TAFA2: variants seen among roughly 807,000 people sequenced by gnomAD.
TAFA2 encodes the protein chemokine-like protein TAFA-2.
Under a neutral mutation model 18.8 loss-of-function variants are expected in TAFA2, and 7 were observed. The ratio of observed to expected loss-of-function variants is 0.37; its 90% CI spans 0.21 to 0.70. TAFA2 has a LOEUF of 0.70. TAFA2 is among the 30% of genes least tolerant of loss of function. The probability of loss-of-function intolerance (pLI) is 0.53; values close to 1 mark genes in which losing one functional copy is unlikely to be tolerated. For missense variants in TAFA2, 122 were observed against 158.1 expected (o/e 0.77, Z 1.23); for synonymous variants, 60 against 54.2 (o/e 1.11, Z -0.47).
intron 1 of TAFA2, among the ~76,000 whole-genome samples, chr12:62,084,880 C>G (rs1555188874): frequency 6.6e-6 from 1 of 152,154 alleles, no homozygotes; most frequent in Non-Finnish European, 1.5e-5. Flanking sequence ...TGAATAGCAT[C>G]AACAAGCTGC....
At chr12:62,204,220 G>A (rs926882864) in intron 1 of TAFA2, among the ~76,000 whole-genome samples, 1 of 152,108 alleles carries the variant, frequency 6.6e-6, no homozygotes, top group South Asian at 2.1e-4. Context: ...TGAGTCTGAC[G>A]AACTTGCCTT....
rs1872335846 is a variant in TAFA2 at position 61,821,848 on chromosome 12, C to G, written c.106+45472G>C. Among the ~76,000 whole-genome samples, 4 of 152,144 alleles carry G rather than the reference C, an allele frequency of 2.6e-5. No individual in the cohort carries two copies. In the South Asian group the frequency reaches 8.3e-4, roughly 32 times the overall value. ...TGCCAAATTTTAAATGCATTTTATT[C>G]CTGTAGAGTTTTTAGTTTATAAGTC... On this transcript the variant is annotated intron_variant, in intron 2 of 4. Coordinates refer to ENST00000416284, the MANE Select transcript of TAFA2 (RefSeq NM_178539.5).
At chr12:62,164,572 C>A (rs1271826954) in intron 1 of TAFA2, among the ~76,000 whole-genome samples, 1 of 152,054 alleles carries the variant, frequency 6.6e-6, no homozygotes, top group Admixed American at 6.6e-5. Context: ...ATAATCTGTA[C>A]AACAAACCCT....
chr12:62,053,905 A>G (rs143157659), intron 1 of TAFA2, among the ~76,000 whole-genome samples: 1 of 152,352 alleles, frequency 6.6e-6, no homozygotes, highest in East Asian at 1.9e-4. Flanking sequence ...TACATAGAAA[A>G]TGTTGAATAA....
intron 1 of TAFA2, among the ~76,000 whole-genome samples, chr12:62,052,880 T>A (rs1373142242): frequency 6.6e-6 from 1 of 152,242 alleles, no homozygotes; most frequent in Non-Finnish European, 1.5e-5. Context: ...CTTTAAAAGT[T>A]ATTTAGTTAT....
rs200239920 is a variant in TAFA2 at position 61,820,766 on chromosome 12, C to G, written c.106+46554G>C. Among the ~76,000 whole-genome samples the G allele has an allele frequency of 3.3e-5, 5 of 151,936 alleles. No homozygotes were observed. In the East Asian group the frequency reaches 9.7e-4, roughly 29 times the overall value. On this transcript the variant is annotated intron_variant, in intron 2 of 4. Coordinates refer to ENST00000416284, the MANE Select transcript of TAFA2 (RefSeq NM_178539.5). ...CAAGCTTTTTTCCCCAGCTAGAATA[C>G]TGTAAAACTCACCTGACCTCTTAGG... is the stretch of plus-strand genomic sequence containing the variant.
At chr12:61,987,109 T>A (rs1041571860) in intron 1 of TAFA2, among the ~76,000 whole-genome samples, 3 of 152,250 alleles carry the variant, frequency 2.0e-5, no homozygotes, top group African/African-American at 4.8e-5. Flanking sequence ...GTTTTAAGCA[T>A]CCAGTGTTGT....
intron 1 of TAFA2, among the ~76,000 whole-genome samples, chr12:61,933,970 T>A (rs774170547): frequency 3.3e-5 from 5 of 152,202 alleles, no homozygotes; most frequent in Admixed American, 6.5e-5. Context: ...GAGTTGCAGT[T>A]CTGACAAATA....
At chr12:61,755,648 C>T (rs1869228570) in intron 2 of TAFA2, among the ~76,000 whole-genome samples, 2 of 152,134 alleles carry the variant, frequency 1.3e-5, no homozygotes, top group Admixed American at 1.3e-4. Flanking sequence ...GAGAGGGCAA[C>T]TGTCACCAAA....
chr12:62,165,428 G>T (rs754575615), intron 1 of TAFA2, among the ~76,000 whole-genome samples: 1 of 151,958 alleles, frequency 6.6e-6, no homozygotes, highest in Non-Finnish European at 1.5e-5. Flanking sequence ...AATAATCTCT[G>T]TATGAAGATA....
chr12:61,736,804 A>G (rs565726347), intron 4 of TAFA2, among the ~76,000 whole-genome samples: 9 of 152,064 alleles, frequency 5.9e-5, no homozygotes, highest in African/African-American at 9.7e-5. Context: ...CTGTGAATGA[A>G]TGACTCTCTA....
chr12:62,144,756 G>A (rs1174372350), intron 1 of TAFA2, among the ~76,000 whole-genome samples: 2 of 152,306 alleles, frequency 1.3e-5, no homozygotes, highest in East Asian at 1.9e-4. Flanking sequence ...GTCATAGGAT[G>A]CCACCATCCC....
intron 1 of TAFA2, among the ~76,000 whole-genome samples, chr12:62,158,255 A>G (rs1043656961): frequency 6.6e-6 from 1 of 152,338 alleles, no homozygotes; most frequent in East Asian, 1.9e-4. Flanking sequence ...TTTAAATATG[A>G]CAAAGTAAAA....
intron 1 of TAFA2, among the ~76,000 whole-genome samples, chr12:62,250,185 G>A (rs2062905915): frequency 6.6e-6 from 1 of 152,088 alleles, no homozygotes; most frequent in Non-Finnish European, 1.5e-5. Flanking sequence ...CCTTCGTCTT[G>A]AATACTTTAA....
At chr12:62,145,435 C>T (rs1341489897) in intron 1 of TAFA2, 2 of 152,182 alleles carry the variant, frequency 1.3e-5, no homozygotes, top group African/African-American at 4.8e-5. Flanking sequence ...GAGTTTCATC[C>T]CGAAACCATC....
At chr12:62,150,468 G>A (rs1282523901) in intron 1 of TAFA2, among the ~76,000 whole-genome samples, 1 of 151,880 alleles carries the variant, frequency 6.6e-6, no homozygotes, top group Non-Finnish European at 1.5e-5. Context: ...CTCAAAGACT[G>A]AGCCCCTCTT....
At chr12:61,937,718 G>GA (rs1456358362) in intron 1 of TAFA2, among the ~76,000 whole-genome samples, 1 of 152,042 alleles carries the variant, frequency 6.6e-6, no homozygotes, top group Non-Finnish European at 1.5e-5. Flanking sequence ...AGAAAACTTA[G>GA]AAAAAATTCT....
intron 2 of TAFA2, among the ~76,000 whole-genome samples, chr12:61,853,025 G>A (rs1252691689): frequency 6.6e-6 from 1 of 152,154 alleles, no homozygotes; most frequent in Non-Finnish European, 1.5e-5. Context: ...CTTGAAATTT[G>A]TTAAGAGAGT....
At chr12:62,063,986 A>T (rs2136792163) in intron 1 of TAFA2, among the ~76,000 whole-genome samples, 1 of 152,202 alleles carries the variant, frequency 6.6e-6, no homozygotes, top group Non-Finnish European at 1.5e-5. Flanking sequence ...TTTGTTGTTC[A>T]CTTACATTGT....
Sources: allele counts gnomAD v4.1 joint callset (sites outside exome capture counted in the v4.1 genomes callset), GRCh38; gene constraint gnomAD v4.1.1; transcripts MANE v1.5; gene names NCBI Gene and HGNC (gene_info 2026-07-23, HGNC 2026-07-21).